The following RHBDL2 variants were observed in gnomAD, a reference collection of about 807,000 sequenced individuals.
RHBDL2 encodes the protein rhomboid-related protein 2.
In RHBDL2, 26 loss-of-function variants were observed where a neutral mutation model predicts 31.7. The observed-to-expected ratio is 0.82, with a 90% CI of 0.60 to 1.14. RHBDL2 has a LOEUF of 1.14. RHBDL2 is among the 50% of genes most tolerant of loss of function. The pLI is 0.00. For missense variants in RHBDL2, 336 were observed against 364.4 expected, an observed-to-expected ratio of 0.92 and a Z score of 0.63; for synonymous variants, 123 against 127.2, an observed-to-expected ratio of 0.97 and a Z score of 0.22.
At chr1:38,925,882 A>C in intron 1 of RHBDL2, 1 of 1,130,450 alleles carries the variant, frequency 8.8e-7, no homozygotes, top group South Asian at 1.4e-5. Context: ...GGCCTGGCTC[A>C]CTAACAGGCA....
intron 4 of RHBDL2, among the ~76,000 whole-genome samples, chr1:38,899,583 G>C (rs1642963151): frequency 6.6e-6 from 1 of 152,232 alleles, no homozygotes; most frequent in Non-Finnish European, 1.5e-5. Context: ...GGGCACCTAG[G>C]GATGTGGGAG....
chr1:38,912,904 ATATATATGTGTGTGTGTG>A (rs1416600820), intron 3 of RHBDL2, among the ~76,000 whole-genome samples: 12 of 32,602 alleles, frequency 3.7e-4, no homozygotes, highest in South Asian at 1.4e-3. Flanking sequence ...ATATATATAT[ATATATATGTGTGTGTGTG>A]TGTGTGTGTG....
chr1:38,932,232 TA>T lies in RHBDL2; in HGVS notation c.-126+9449del, dbSNP rs769452113. ...GTCTGGCTCAGGAGGTTGCCTGATT[TA>T]AAAAAAAAAAAAGAAAAAGTCATGT... is the stretch of plus-strand genomic sequence containing the variant. On this transcript the variant is annotated intron_variant, in intron 1 of 7. Transcript: ENST00000372990. 5.1e-3 allele frequency among the ~76,000 whole-genome samples: 715 copies of T among 140,972 alleles called. 2 individuals are homozygous for T. The highest frequency in any genetic ancestry group is 8.9e-3 in the East Asian group (44 of 4,948). 92.5% of individuals were successfully genotyped at this position (140,972 alleles called of 152,430 possible).
intron 1 of RHBDL2, chr1:38,926,301 T>C (rs1643374128): frequency 2.5e-6 from 2 of 793,328 alleles, no homozygotes; most frequent in Non-Finnish European, 3.1e-6. Context: ...ACGCCAGCTG[T>C]GGCTGTGACA....
chr1:38,909,801 C>T (rs1249968562), intron 4 of RHBDL2, among the ~76,000 whole-genome samples: 1 of 152,104 alleles, frequency 6.6e-6, no homozygotes, highest in African/African-American at 2.4e-5. Flanking sequence ...ATGCCACTAT[C>T]ATATGTTCCA....
chr1:38,899,702 G>A (rs1458106089), intron 4 of RHBDL2, among the ~76,000 whole-genome samples: 1 of 152,212 alleles, frequency 6.6e-6, no homozygotes, highest in Non-Finnish European at 1.5e-5. Context: ...TTTGTCCTGG[G>A]TGGAGTGATT....
rs533957595 is a variant in RHBDL2, at chr1:38,940,897, TA to T, written c.-126+784del. ...GCAAGGTAGCAAGACCCTGTCTCTT[TA>T]AAAAAAAATTATAGCTGAGGAAACT... On this transcript the variant is annotated intron_variant, in intron 1 of 7. Coordinates refer to ENST00000372990, the MANE Select transcript of RHBDL2 (RefSeq NM_017821.5). Among the ~76,000 whole-genome samples the T allele has an allele frequency of 3.8e-4, 58 of 151,532 alleles. 1 individual carries two copies. The South Asian group carries it at 4.0e-3, about 10-fold the overall frequency.
intron 7 of RHBDL2, among the ~76,000 whole-genome samples, chr1:38,887,613 C>T (rs992475626): frequency 6.6e-6 from 1 of 151,830 alleles, no homozygotes; most frequent in Non-Finnish European, 1.5e-5. Context: ...TTAGTAGAGA[C>T]GGGGTTTCAT....
rs369058032 is a variant in RHBDL2, at chr1:38,911,296, A to G, written c.508+26T>C. 7.8e-5 allele frequency: 112 copies of G among 1,437,598 alleles called. No homozygotes were observed. In the African/African-American group the frequency reaches 1.5e-3, roughly 19 times the overall value. The allele number at this position is 1,437,598 out of a possible 1,614,324, so 89.1% of individuals were successfully genotyped here. A position where few individuals can be genotyped will look rare whatever the true frequency, so the allele number is the denominator to read the frequency against. Reference sequence around the variant, plus strand: ...TAATCCTAAGAGCCCAGAGGTATTGATTCTGTGTTACCTCAGAACACTGAC... The same window carrying G: ...TAATCCTAAGAGCCCAGAGGTATTGGTTCTGTGTTACCTCAGAACACTGAC... On this transcript the variant is annotated intron_variant, in intron 4 of 7. Coordinates refer to ENST00000372990, the MANE Select transcript of RHBDL2 (RefSeq NM_017821.5).
At chr1:38,910,766 TTTTTTTTGTTTG>T (rs931275235) in intron 4 of RHBDL2, among the ~76,000 whole-genome samples, 1 of 146,500 alleles carries the variant, frequency 6.8e-6, no homozygotes, top group African/African-American at 2.5e-5. Flanking sequence ...TTTTTTTTTT[TTTTTTTTGTTTG>T]TTTGTTTGTT....
Position 38,926,105 on chromosome 1 carries a change from G to C in RHBDL2, c.-125-6768C>G, listed in dbSNP as rs1643371737. 3.4e-6 allele frequency: 4 copies of C among 1,188,574 alleles called. No individual in the cohort carries two copies. The South Asian group carries it at 6.2e-5, about 18-fold the overall frequency. 73.6% of individuals were successfully genotyped at this position (1,188,574 alleles called of 1,614,324 possible). A position where few individuals can be genotyped will look rare whatever the true frequency, so the allele number is the denominator to read the frequency against. On this transcript the variant is annotated intron_variant, in intron 1 of 7. Transcript: ENST00000372990. ...GGATCCCACTACAGACATTAACCATGCCCAATATTCACTTTTGCATGTCCC... is the reference window on the plus strand; with the variant it reads ...GGATCCCACTACAGACATTAACCATCCCCAATATTCACTTTTGCATGTCCC...
chr1:38,924,672 C>T (rs1164044153), intron 1 of RHBDL2, among the ~76,000 whole-genome samples: 1 of 151,804 alleles, frequency 6.6e-6, no homozygotes, highest in Non-Finnish European at 1.5e-5. Context: ...TGTTAACAAT[C>T]ACAGAGCCAG....
intron 1 of RHBDL2, among the ~76,000 whole-genome samples, chr1:38,939,207 A>T (rs1395613295): frequency 6.6e-6 from 1 of 152,098 alleles, no homozygotes; most frequent in East Asian, 1.9e-4. Context: ...GTGTCTAGAG[A>T]GGTAGTTGGG....
chr1:38,897,943 C>A (rs1385616083), intron 4 of RHBDL2, among the ~76,000 whole-genome samples: 2 of 152,070 alleles, frequency 1.3e-5, no homozygotes, highest in African/African-American at 4.8e-5. Flanking sequence ...CCAGCCTGGG[C>A]AACATGGCGA....
At chr1:38,912,910 A>ATATATATGTGTGTG (rs1399583863) in intron 3 of RHBDL2, among the ~76,000 whole-genome samples, 12 of 41,372 alleles carry the variant, frequency 2.9e-4, no homozygotes, top group African/African-American at 1.0e-3. Context: ...ATATATATAT[A>ATATATATGTGTGTG]TGTGTGTGTG....
intron 3 of RHBDL2, 43 bp downstream of exon 3, chr1:38,915,519 T>C (rs941070791): frequency 5.6e-6 from 9 of 1,595,164 alleles, no homozygotes; most frequent in African/African-American, 1.3e-5. Context: ...GTTACAATGA[T>C]ATAATCACCT....
In RHBDL2 at chr1:38,886,486, A is replaced by T. The variant is rs760020369; in HGVS notation, c.*18T>A. On this transcript the variant is annotated 3_prime_UTR_variant, in exon 8 of 8. Coordinates refer to ENST00000372990, the MANE Select transcript of RHBDL2 (RefSeq NM_017821.5). ...TCCAGATGGCTCTTTTTATTAATTG[A>T]CTTACAATAGGGGCAGGTCAGTTTG... The T allele has an allele frequency of 6.7e-7, 1 of 1,487,524 alleles. No homozygotes were observed. The highest frequency in any genetic ancestry group is 9.0e-7 in the Non-Finnish European group (1 of 1,108,966). 92.1% of individuals were successfully genotyped at this position (1,487,524 alleles called of 1,614,324 possible). A position where few individuals can be genotyped will look rare whatever the true frequency, so the allele number is the denominator to read the frequency against.
rs551601208 is a variant in RHBDL2 at position 38,899,414 on chromosome 1, C to T, written c.509-3345G>A. ...AGCATGAACTGTCCTACAAGGTCAC[C>T]TTACCTAGGGAAGATGGGGGGCAGT... On this transcript the variant is annotated intron_variant, in intron 4 of 7. Transcript: ENST00000372990. 5.3e-5 allele frequency among the ~76,000 whole-genome samples: 8 copies of T among 152,300 alleles called. No homozygotes were observed. In the East Asian group the frequency reaches 1.4e-3, roughly 26 times the overall value.
intron 2 of RHBDL2, among the ~76,000 whole-genome samples, chr1:38,918,189 T>A (rs117902854): frequency 6.6e-6 from 1 of 152,178 alleles, no homozygotes; most frequent in East Asian, 1.9e-4. Flanking sequence ...ATTGATTCTG[T>A]TTTTCTGAAG....
Sources: allele counts gnomAD v4.1 joint callset (sites outside exome capture counted in the v4.1 genomes callset), GRCh38; gene constraint gnomAD v4.1.1; transcripts MANE v1.5; gene names NCBI Gene and HGNC (gene_info 2026-07-23, HGNC 2026-07-21).